The following CNOT4 variants were observed in gnomAD, a reference collection of about 807,000 sequenced individuals.
CNOT4 encodes the protein CCR4-associated factor 4.
CNOT4 carries 8 observed loss-of-function variants against 73.8 expected under a neutral mutation model. That is an observed-to-expected ratio of 0.11 (90% confidence interval 0.06 to 0.20). CNOT4 has a LOEUF of 0.20. CNOT4 is among the 10% of genes least tolerant of loss of function. The pLI is 1.00. For missense variants in CNOT4, 564 were observed against 883.4 expected (o/e 0.64, Z 4.58); for synonymous variants, 293 against 321.1 (o/e 0.91, Z 0.94).
At chr7:135,460,306 C>T (rs990158593) in intron 1 of CNOT4, among the ~76,000 whole-genome samples, 23 of 152,210 alleles carry the variant, frequency 1.5e-4, no homozygotes, top group Admixed American at 3.9e-4. Flanking sequence ...GGTGCAAAAG[C>T]CCTACTTTTT....
intron 10 of CNOT4, chr7:135,387,142 A>G (rs1440040326): frequency 8.2e-6 from 8 of 978,010 alleles, no homozygotes; most frequent in East Asian, 1.1e-4. Context: ...AAAGACTGAT[A>G]ATAAGTCTAC....
chr7:135,485,806 G>A (rs1250489738), intron 1 of CNOT4, among the ~76,000 whole-genome samples: 1 of 152,150 alleles, frequency 6.6e-6, no homozygotes, highest in Non-Finnish European at 1.5e-5. Context: ...ACACTTAAAT[G>A]TAAAACGTAA....
chr7:135,497,857 A>C (rs192175545), intron 1 of CNOT4, among the ~76,000 whole-genome samples: 4 of 152,238 alleles, frequency 2.6e-5, no homozygotes, highest in Admixed American at 6.5e-5. Flanking sequence ...GATTACTGAA[A>C]ATATATGTTT....
chr7:135,441,406 T>TA lies in CNOT4; in HGVS notation c.-92-2984dup, dbSNP rs113086068. Among the ~76,000 whole-genome samples the TA allele has an allele frequency of 2.7e-3, 376 of 137,046 alleles. 1 individual carries two copies. The highest frequency in any genetic ancestry group is 7.6e-3 in the South Asian group (33 of 4,362). The allele number at this position is 137,046 out of a possible 152,430, so 89.9% of individuals were successfully genotyped here. A position where few individuals can be genotyped will look rare whatever the true frequency, so the allele number is the denominator to read the frequency against. On this transcript the variant is annotated intron_variant, in intron 1 of 11. Coordinates refer to ENST00000541284, the MANE Select transcript of CNOT4 (RefSeq NM_001190850.2). ...ATCTATAATTATTTCAAAATAAAAT[T>TA]AAAAAAAAAAAAAAGAAATGCCCAG...
chr7:135,496,374 T>C (rs1244769351), intron 1 of CNOT4, among the ~76,000 whole-genome samples: 1 of 152,234 alleles, frequency 6.6e-6, no homozygotes, highest in East Asian at 1.9e-4. Flanking sequence ...ATTACAGGCG[T>C]GAGCCACTGT....
intron 1 of CNOT4, among the ~76,000 whole-genome samples, chr7:135,472,759 G>A (rs1013059880): frequency 2.0e-5 from 3 of 151,556 alleles, no homozygotes; most frequent in African/African-American, 7.3e-5. Flanking sequence ...GCAAATAAAG[G>A]CTGGTTGCAG....
At chr7:135,467,970 C>A (rs1801324920) in intron 1 of CNOT4, among the ~76,000 whole-genome samples, 1 of 152,038 alleles carries the variant, frequency 6.6e-6, no homozygotes, top group Admixed American at 6.6e-5. Context: ...AATCCCAGCA[C>A]TTTGGGAGCT....
At chr7:135,417,348 AT>A (rs1173053060) in intron 3 of CNOT4, among the ~76,000 whole-genome samples, 1 of 152,246 alleles carries the variant, frequency 6.6e-6, no homozygotes, top group Admixed American at 6.5e-5. Context: ...ATGTACAAGC[AT>A]TTATATGTAC....
intron 2 of CNOT4, among the ~76,000 whole-genome samples, chr7:135,431,817 A>G (rs1798865786): frequency 6.6e-6 from 1 of 151,882 alleles, no homozygotes; most frequent in South Asian, 2.1e-4. Flanking sequence ...AACATGCTGT[A>G]CTATTATGTA....
intron 1 of CNOT4, among the ~76,000 whole-genome samples, chr7:135,453,897 G>C (rs1290683029): frequency 7.3e-6 from 1 of 137,116 alleles, no homozygotes; most frequent in Non-Finnish European, 1.5e-5. Context: ...CAGCACTTTG[G>C]GAGGCCAAGG....
chr7:135,482,747 A>G (rs1029643582), intron 1 of CNOT4, among the ~76,000 whole-genome samples: 4 of 152,116 alleles, frequency 2.6e-5, no homozygotes, highest in African/African-American at 9.7e-5. Context: ...TTGGGAGGCC[A>G]AGGCAGGCAG....
chr7:135,371,793 T>C (rs1795217283), intron 10 of CNOT4, among the ~76,000 whole-genome samples: 1 of 152,112 alleles, frequency 6.6e-6, no homozygotes, highest in East Asian at 1.9e-4. Flanking sequence ...ATATAAAAGA[T>C]ACATACACCC....
chr7:135,413,099 C>G (rs1385214433), intron 6 of CNOT4, among the ~76,000 whole-genome samples: 1 of 151,924 alleles, frequency 6.6e-6, no homozygotes, highest in Admixed American at 6.6e-5. Context: ...CAAATAATTA[C>G]AATATCCCAC....
chr7:135,371,802 C>T (rs1795217814), intron 10 of CNOT4, among the ~76,000 whole-genome samples: 4 of 151,856 alleles, frequency 2.6e-5, no homozygotes, highest in Admixed American at 2.0e-4. Flanking sequence ...ATACATACAC[C>T]CTTAGAAGCA....
chr7:135,470,246 C>G lies in CNOT4; in HGVS notation c.-92-31823G>C, dbSNP rs536098055. ...CCAGGCTCAAGCAATCCTCCCACCT[C>G]AGCCTCCTGAGTAGCTAGGACCCAC... On this transcript the variant is annotated intron_variant, in intron 1 of 11. Coordinates refer to ENST00000541284, the MANE Select transcript of CNOT4 (RefSeq NM_001190850.2). Among the ~76,000 whole-genome samples, 52 of 152,148 alleles carry G rather than the reference C, an allele frequency of 3.4e-4. No homozygotes were observed. In the Middle Eastern group the frequency reaches 0.017, roughly 50 times the overall value.
intron 10 of CNOT4, among the ~76,000 whole-genome samples, chr7:135,369,293 G>A (rs541732462): frequency 6.6e-6 from 1 of 152,202 alleles, no homozygotes; most frequent in African/African-American, 2.4e-5. Flanking sequence ...ATATATTTTT[G>A]TGCCACCAAA....
intron 1 of CNOT4, among the ~76,000 whole-genome samples, chr7:135,455,074 C>T (rs990982763): frequency 4.0e-5 from 6 of 151,490 alleles, no homozygotes; most frequent in African/African-American, 7.3e-5. Flanking sequence ...GACTACAAAG[C>T]GAGGCCCTGT....
intron 1 of CNOT4, among the ~76,000 whole-genome samples, chr7:135,442,797 C>T (rs1003005009): frequency 6.6e-6 from 1 of 152,050 alleles, no homozygotes; most frequent in African/African-American, 2.4e-5. Context: ...GTGGCTTACA[C>T]CTGTAATCCC....
chr7:135,485,522 A>T (rs1007502860), intron 1 of CNOT4, among the ~76,000 whole-genome samples: 4 of 152,238 alleles, frequency 2.6e-5, no homozygotes, highest in Non-Finnish European at 5.9e-5. Context: ...CAGCAATTAA[A>T]ACTGTGGTAC....
Sources: gnomAD v4.1 joint callset for allele counts (sites outside exome capture counted in the v4.1 genomes callset) on GRCh38, gnomAD v4.1.1 for gene constraint, MANE v1.5 for transcripts, NCBI Gene and HGNC (gene_info 2026-07-23, HGNC 2026-07-21) for gene names.